PREX2: variants seen among roughly 807,000 people sequenced by gnomAD.
PREX2 encodes phosphatidylinositol 3,4,5-trisphosphate-dependent Rac exchanger 2 protein.
Under a neutral mutation model 203.2 loss-of-function variants are expected in PREX2, and 107 were observed. That is an observed-to-expected ratio of 0.53 (90% CI 0.45 to 0.62). The LOEUF (loss-of-function observed/expected upper bound fraction) is 0.62, where lower values mean the gene tolerates loss of function less well. Among genes scored for constraint, PREX2 ranks in the 20% least tolerant of loss-of-function variants. The pLI is 0.00. For synonymous variants in PREX2, 672 were observed against 663.6 expected (o/e 1.01, Z -0.19); for missense variants, 1,777 against 1,955.9 (o/e 0.91, Z 1.72).
At chr8:68,014,840 C>T (rs1279670122) in intron 1 of PREX2, among the ~76,000 whole-genome samples, 1 of 152,162 alleles carries the variant, frequency 6.6e-6, no homozygotes, top group Non-Finnish European at 1.5e-5. Context: ...GCATAGAGGT[C>T]CTGCTCAAAA....
chr8:68,055,680 T>TG, intron 9 of PREX2, 150 bp from the exon 10 acceptor site: 1 of 691,636 alleles, frequency 1.4e-6, no homozygotes, highest in South Asian at 1.9e-5. Flanking sequence ...CTGAGCTTCT[T>TG]GAACACCAGG....
At chr8:68,047,823 A>G (rs1190351453) in intron 8 of PREX2, among the ~76,000 whole-genome samples, 1 of 151,992 alleles carries the variant, frequency 6.6e-6, no homozygotes, top group African/African-American at 2.4e-5. Flanking sequence ...GACTAATTTC[A>G]TTGATATAGC....
At chr8:67,999,890 A>G (rs1355506239) in intron 1 of PREX2, among the ~76,000 whole-genome samples, 1 of 152,242 alleles carries the variant, frequency 6.6e-6, no homozygotes, top group South Asian at 2.1e-4. Flanking sequence ...ATAGATTCAG[A>G]AAAGGCTTTT....
chr8:67,968,922 G>A (rs1805847434), intron 1 of PREX2, among the ~76,000 whole-genome samples: 1 of 152,210 alleles, frequency 6.6e-6, no homozygotes, highest in Admixed American at 6.5e-5. Context: ...AATAATGCAA[G>A]ATACAGTGCC....
At position 68,120,268 on chromosome 8, in the gene PREX2, C is replaced by G. The variant is rs776549761; in HGVS notation, c.3577C>G (p.Pro1193Ala). The G allele has an allele frequency of 6.2e-7, 1 of 1,613,226 alleles. No individual in the cohort carries two copies. Among genetic ancestry groups the G allele is most frequent in the East Asian group, 2.2e-5 (1 of 44,858 alleles). The change falls in exon 29 of 40, where the codon CCA (proline) becomes GCA (alanine). Residue 1193 changes from proline to alanine, a missense_variant. Pro to Ala is a conservative substitution (Grantham distance 27). Coordinates refer to ENST00000288368, the MANE Select transcript of PREX2 (RefSeq NM_024870.4). ...CTTTGACCAAACCAAGTATCTCACT[C>G]CAGGCCGAGGATTGCAAGGTAAGCC... ...RAFDQTKYLT[P>A]GRGLQEFQQE...
Position 68,152,289 on chromosome 8 carries a change from GAAAAAAAA to G in PREX2, c.4232-5019_4232-5012del, listed in dbSNP as rs573525316. Among the ~76,000 whole-genome samples the G allele has an allele frequency of 7.4e-4, 54 of 72,920 alleles. 1 individual carries two copies. The highest frequency in any genetic ancestry group is 1.0e-3 in the Admixed American group (5 of 4,894). The allele number at this position is 72,920 out of a possible 152,430, so 47.8% of individuals were successfully genotyped here. Reference sequence around the variant, plus strand: ...CGACAGAGCGAGACTCCCTCTCAGAGAAAAAAAAAAAAAAAAAAAAAGATAAATCTTTT... The same window carrying G: ...CGACAGAGCGAGACTCCCTCTCAGAGAAAAAAAAAAAAAGATAAATCTTTT... On this transcript the variant is annotated intron_variant, in intron 34 of 39. Transcript: ENST00000288368.
At chr8:68,174,439 G>T (rs1811940274) in intron 35 of PREX2, among the ~76,000 whole-genome samples, 1 of 152,102 alleles carries the variant, frequency 6.6e-6, no homozygotes, top group Non-Finnish European at 1.5e-5. Flanking sequence ...CTGAAATTCT[G>T]TCAGTCATTT....
At chr8:67,995,973 A>T (rs912850673) in intron 1 of PREX2, among the ~76,000 whole-genome samples, 1 of 152,176 alleles carries the variant, frequency 6.6e-6, no homozygotes, top group Non-Finnish European at 1.5e-5. Context: ...GCTGTTTCAT[A>T]GCCTCACCAA....
At position 67,994,554 on chromosome 8, in the gene PREX2, A is replaced by G. The variant is rs571540566; in HGVS notation, c.142-23292A>G. On this transcript the variant is annotated intron_variant, in intron 1 of 39. Coordinates refer to ENST00000288368, the MANE Select transcript of PREX2 (RefSeq NM_024870.4). ...TGCTGATTTATTCTCCCATAATAAT[A>G]AACAATTGTTGGAAAAAAATGAATT... Among the ~76,000 whole-genome samples, 3 of 152,328 alleles carry G rather than the reference A, an allele frequency of 2.0e-5. No homozygotes were observed. The East Asian group carries it at 5.8e-4, about 29-fold the overall frequency.
intron 35 of PREX2, among the ~76,000 whole-genome samples, chr8:68,170,157 G>T (rs946733345): frequency 6.6e-6 from 1 of 152,180 alleles, no homozygotes; most frequent in Non-Finnish European, 1.5e-5. Flanking sequence ...GAGGAAGACA[G>T]AGAAGGCCAG....
chr8:68,224,297 A>G (rs1422426600), intron 38 of PREX2, among the ~76,000 whole-genome samples: 1 of 152,188 alleles, frequency 6.6e-6, no homozygotes, highest in East Asian at 1.9e-4. Flanking sequence ...AATTACAGGC[A>G]TGAGCCACTG....
At position 68,009,453 on chromosome 8, in the gene PREX2, T is replaced by C. The variant is rs183327358; in HGVS notation, c.142-8393T>C. Among the ~76,000 whole-genome samples the C allele has an allele frequency of 8.4e-4, 128 of 152,362 alleles. 1 individual carries two copies. Among genetic ancestry groups the C allele is most frequent in the Middle Eastern group, 3.4e-3 (1 of 294 alleles). On this transcript the variant is annotated intron_variant, in intron 1 of 39. Coordinates refer to ENST00000288368, the MANE Select transcript of PREX2 (RefSeq NM_024870.4). The stretch of plus-strand genomic sequence containing the variant: ...TTATGTGGGAGACATAATAGTCTAC[T>C]GGCATCTCTATATAAGTATTTGTAT...
intron 1 of PREX2, among the ~76,000 whole-genome samples, chr8:67,980,834 T>C (rs546233881): frequency 6.6e-6 from 1 of 152,346 alleles, no homozygotes; most frequent in African/African-American, 2.4e-5. Flanking sequence ...TGATCGTAAG[T>C]TTCCTGAGGC....
At chr8:68,131,329 T>C (rs889380878) in intron 31 of PREX2, among the ~76,000 whole-genome samples, 3 of 152,210 alleles carry the variant, frequency 2.0e-5, no homozygotes, top group Admixed American at 6.5e-5. Flanking sequence ...TGATATAATA[T>C]GTACATTTTG....
chr8:67,953,750 A>G (rs900458824), intron 1 of PREX2, among the ~76,000 whole-genome samples: 1 of 152,160 alleles, frequency 6.6e-6, no homozygotes, highest in Non-Finnish European at 1.5e-5. Flanking sequence ...AAATCAATAT[A>G]CTTGACTTCC....
intron 14 of PREX2, among the ~76,000 whole-genome samples, chr8:68,075,195 T>C (rs1328407699): frequency 6.6e-6 from 1 of 152,202 alleles, no homozygotes; most frequent in Non-Finnish European, 1.5e-5. Context: ...TAAAAGAGCA[T>C]AGGAAACCCA....
intron 30 of PREX2, among the ~76,000 whole-genome samples, chr8:68,125,499 C>A (rs1475733168): frequency 6.6e-6 from 1 of 152,080 alleles, no homozygotes; most frequent in Non-Finnish European, 1.5e-5. Flanking sequence ...TATACTCACC[C>A]ATTCATAGCA....
rs747522098 is a variant in PREX2, at chr8:68,231,341, A to G, written c.4784A>G (p.Lys1595Arg). 1 of 1,598,146 alleles carries G rather than the reference A, an allele frequency of 6.3e-7. No individual in the cohort carries two copies. Among genetic ancestry groups the G allele is most frequent in the Non-Finnish European group, 8.5e-7 (1 of 1,173,982 alleles). Residue 1595 changes from lysine (K) to arginine (R), a missense_variant, in exon 40 of 40, where the codon AAG becomes AGG. Physicochemically the swap from Lys to Arg is conservative, Grantham distance 26 (BLOSUM62 2). Coordinates refer to ENST00000288368, the MANE Select transcript of PREX2 (RefSeq NM_024870.4). ...RTPQSAPRLY[K>R]LCEPPPPAGE... ...TACCATGCCTTTTCTAGGCTGTACA[A>G]GCTGTGCGAGCCACCTCCCCCAGCT...
chr8:68,102,571 G>A (rs868521480), intron 23 of PREX2, among the ~76,000 whole-genome samples: 3 of 152,240 alleles, frequency 2.0e-5, no homozygotes, highest in African/African-American at 7.2e-5. Context: ...TGCGAATATA[G>A]ATTTTTAATT....
Sources: gnomAD v4.1 joint callset for allele counts (sites outside exome capture counted in the v4.1 genomes callset) on GRCh38, gnomAD v4.1.1 for gene constraint, MANE v1.5 for transcripts, NCBI Gene and HGNC (gene_info 2026-07-23, HGNC 2026-07-21) for gene names.